The following WDSUB1 variants were observed in gnomAD, a reference collection of about 807,000 sequenced individuals.
The protein encoded by WDSUB1 is WD repeat, SAM and U-box domain-containing protein 1.
In WDSUB1, 49 loss-of-function variants were observed where a neutral mutation model predicts 53.9. That is an observed-to-expected ratio of 0.91 (90% CI 0.72 to 1.15). The LOEUF is 1.15. Among genes scored for constraint, WDSUB1 ranks in the 50% most tolerant of loss-of-function variants. The probability of loss-of-function intolerance (pLI) is 0.00; values close to 1 mark genes in which losing one functional copy is unlikely to be tolerated. For synonymous variants in WDSUB1, 194 were observed against 200.6 expected, an observed-to-expected ratio of 0.97 and a Z score of 0.28; for missense variants, 514 against 562.0, an observed-to-expected ratio of 0.91 and a Z score of 0.86.
Position 159,257,983 on chromosome 2 carries a change from A to G in WDSUB1, c.807T>C (p.Asn269=), listed in dbSNP as rs1575458242. The change falls in exon 7 of 11, where the codon AAT becomes AAC. Residue 269 remains asparagine, a splice_region_variant and synonymous_variant. Transcript: ENST00000359774. The part of the protein sequence containing the change: ...VDKSVIVYDT[N]TENILHTLTQ... ...TCAATGTGTGAAGTATATTCTCAGT[A>G]TTCTGAAAAACAATAAAAACAGCTT... 6.2e-7 allele frequency: 1 copy of G among 1,612,446 alleles called. No homozygotes were observed. Among genetic ancestry groups the G allele is most frequent in the Non-Finnish European group, 8.5e-7 (1 of 1,179,624 alleles).
intron 1 of WDSUB1, among the ~76,000 whole-genome samples, chr2:159,283,365 C>T (rs563504123): frequency 1.2e-3 from 185 of 152,208 alleles, no homozygotes; most frequent in African/African-American, 4.1e-3. Context: ...ACCCTCGATC[C>T]CTCGCAGGCG....
chr2:159,270,086 T>A (rs1160662147), intron 5 of WDSUB1, among the ~76,000 whole-genome samples: 1 of 152,182 alleles, frequency 6.6e-6, no homozygotes, highest in Non-Finnish European at 1.5e-5. Context: ...CATATACATA[T>A]AATCCAAAAT....
intron 4 of WDSUB1, among the ~76,000 whole-genome samples, chr2:159,272,310 T>C (rs1194143604): frequency 6.6e-6 from 1 of 152,202 alleles, no homozygotes; most frequent in Non-Finnish European, 1.5e-5. Flanking sequence ...TTATCTCAGG[T>C]AAGAAAAGGC....
chr2:159,281,512 G>T (rs905471057), intron 2 of WDSUB1, among the ~76,000 whole-genome samples: 10 of 152,092 alleles, frequency 6.6e-5, no homozygotes, highest in African/African-American at 1.2e-4. Flanking sequence ...AAATTAATTG[G>T]TTTTTTCCAA....
chr2:159,238,059 T>G (rs2060534972), intron 10 of WDSUB1, among the ~76,000 whole-genome samples: 1 of 152,204 alleles, frequency 6.6e-6, no homozygotes, highest in Admixed American at 6.5e-5. Context: ...AACTCCTGGA[T>G]TTTTGCCAGT....
At chr2:159,265,045 T>G (rs879462369) in intron 5 of WDSUB1, among the ~76,000 whole-genome samples, 2 of 149,726 alleles carry the variant, frequency 1.3e-5, no homozygotes, top group Non-Finnish European at 3.0e-5. Flanking sequence ...GATCGCGCCA[T>G]TGCAGTCCAG....
intron 10 of WDSUB1, among the ~76,000 whole-genome samples, chr2:159,242,339 G>A (rs2060676940): frequency 6.8e-6 from 1 of 146,168 alleles, no homozygotes; most frequent in South Asian, 2.2e-4. Context: ...TTACAGGCGT[G>A]AGCCACCACA....
intron 4 of WDSUB1, among the ~76,000 whole-genome samples, chr2:159,274,103 T>C (rs532394101): frequency 1.3e-5 from 2 of 152,108 alleles, no homozygotes; most frequent in African/African-American, 2.4e-5. Context: ...TGAATCAACT[T>C]TGGGGAGGCA....
chr2:159,256,487 A>T, intron 8 of WDSUB1, 112 bp from the exon 9 acceptor site: 1 of 1,122,796 alleles, frequency 8.9e-7, no homozygotes, highest in Non-Finnish European at 1.3e-6. Flanking sequence ...TTTTATAGCT[A>T]GGTACAGTGG....
chr2:159,257,804 G>A lies in WDSUB1; in HGVS notation c.906C>T (p.Asp302=), dbSNP rs3815475. The A allele has an allele frequency of 0.035, 56,860 of 1,613,918 alleles. 3,460 individuals carry two copies. The highest frequency in any genetic ancestry group is 0.22 in the African/African-American group (16,354 of 74,962). The change falls in exon 8 of 11, where the codon GAC becomes GAT. Residue 302 remains aspartate, a synonymous_variant. Coordinates refer to ENST00000359774, the MANE Select transcript of WDSUB1 (RefSeq NM_001128212.3). The part of the protein sequence containing the change: ...NTLLLATGSM[D]KTVNIWQFDL... ...CAAATTGCCAGATGTTCACTGTTTTGTCCATTGAACCAGTAGCAAGTAAAA... is the reference window on the plus strand; with the variant it reads ...CAAATTGCCAGATGTTCACTGTTTTATCCATTGAACCAGTAGCAAGTAAAA...
chr2:159,263,711 A>G (rs1325923357), intron 5 of WDSUB1, among the ~76,000 whole-genome samples: 1 of 152,220 alleles, frequency 6.6e-6, no homozygotes, highest in Non-Finnish European at 1.5e-5. Context: ...TCCTGAATGA[A>G]AATAAGTTTC....
chr2:159,285,777 T>C (rs1011916986), intron 1 of WDSUB1, among the ~76,000 whole-genome samples: 1 of 152,196 alleles, frequency 6.6e-6, no homozygotes, highest in African/African-American at 2.4e-5. Flanking sequence ...TAGGATAAGT[T>C]CAGCTTCTTT....
intron 3 of WDSUB1, among the ~76,000 whole-genome samples, chr2:159,278,621 C>A (rs1010726060): frequency 6.6e-5 from 10 of 152,142 alleles, no homozygotes; most frequent in Admixed American, 5.9e-4. Flanking sequence ...CAGCCAAATT[C>A]TAAAGGATAT....
intron 10 of WDSUB1, among the ~76,000 whole-genome samples, chr2:159,240,257 C>G (rs911443564): frequency 6.6e-6 from 1 of 152,144 alleles, no homozygotes; most frequent in Non-Finnish European, 1.5e-5. Context: ...TATGGCTATA[C>G]GACATTTCAT....
chr2:159,274,716 G>A (rs1411768456), intron 4 of WDSUB1, among the ~76,000 whole-genome samples: 3 of 152,112 alleles, frequency 2.0e-5, no homozygotes, highest in South Asian at 2.1e-4. Context: ...CAGCAATAAC[G>A]AACCACTTCT....
chr2:159,247,934 TATATATATAA>T (rs1329170429), intron 10 of WDSUB1, among the ~76,000 whole-genome samples: 2,136 of 91,854 alleles, frequency 0.023, 110 homozygotes, highest in African/African-American at 0.12. Context: ...TATAAATATA[TATATATATAA>T]AATTTGGATT....
intron 5 of WDSUB1, among the ~76,000 whole-genome samples, chr2:159,261,205 T>C (rs954261215): frequency 2.6e-5 from 4 of 152,188 alleles, no homozygotes; most frequent in Admixed American, 2.0e-4. Flanking sequence ...ACTATTTACA[T>C]AGCCCTTACA....
intron 4 of WDSUB1, among the ~76,000 whole-genome samples, chr2:159,274,182 G>A (rs1236261168): frequency 6.6e-6 from 1 of 152,146 alleles, no homozygotes; most frequent in Non-Finnish European, 1.5e-5. Context: ...CAGGGGTACA[G>A]CCAAGAAAGT....
intron 1 of WDSUB1, among the ~76,000 whole-genome samples, chr2:159,283,908 G>A (rs761818407): frequency 1.2e-4 from 18 of 152,166 alleles, no homozygotes; most frequent in Non-Finnish European, 2.2e-4. Flanking sequence ...CCCGCCTCGC[G>A]GGTTCAAGTG....
Sources: allele counts gnomAD v4.1 joint callset (sites outside exome capture counted in the v4.1 genomes callset), GRCh38; gene constraint gnomAD v4.1.1; transcripts MANE v1.5; gene names NCBI Gene and HGNC (gene_info 2026-07-23, HGNC 2026-07-21).